The following ZNF142 variants were observed in gnomAD, a reference collection of about 807,000 sequenced individuals.
ZNF142 encodes zinc finger protein 142, also known as zinc finger protein 142 (clone pHZ-49).
ZNF142 carries 96 observed loss-of-function variants against 132.1 expected under a neutral mutation model. That is an observed-to-expected ratio of 0.73 (90% confidence interval 0.62 to 0.86). ZNF142 has a LOEUF of 0.86. Among genes scored for constraint, ZNF142 ranks in the 40% least tolerant of loss-of-function variants. The probability of loss-of-function intolerance (pLI) is 0.00; values close to 1 mark genes in which losing one functional copy is unlikely to be tolerated. For missense variants in ZNF142, 2,163 were observed against 2,336.2 expected, an observed-to-expected ratio of 0.93 and a Z score of 1.53; for synonymous variants, 842 against 890.1, an observed-to-expected ratio of 0.95 and a Z score of 0.96.
chr2:218,646,354 A>G lies in ZNF142; in HGVS notation c.1874-6T>C, dbSNP rs1231251230. On this transcript the variant is annotated splice_polypyrimidine_tract_variant and splice_region_variant and intron_variant, in intron 7 of 10. Coordinates refer to ENST00000411696, the MANE Select transcript of ZNF142 (RefSeq NM_001379659.1). Reference sequence around the variant, plus strand: ...ACACTTGTGGGGCTTCTCACCTTATATGGGGGATGCGGATGAAGGGAGAGA... The same window carrying G: ...ACACTTGTGGGGCTTCTCACCTTATGTGGGGGATGCGGATGAAGGGAGAGA... 3 of 1,613,612 alleles carry G rather than the reference A, an allele frequency of 1.9e-6. No homozygotes were observed. The highest frequency in any genetic ancestry group is 2.5e-6 in the Non-Finnish European group (3 of 1,179,924).
chr2:218,636,388 A>G lies in ZNF142; in HGVS notation c.*1951T>C. 6.2e-7 allele frequency: 1 copy of G among 1,613,994 alleles called. No homozygotes were observed. ...ACACCCTGCCTTGGACCTGCATGCA[A>G]CAAGGTGAGCCAGCCCCTTTGGCCC... On this transcript the variant is annotated 3_prime_UTR_variant, in exon 11 of 11. Coordinates refer to ENST00000411696, the MANE Select transcript of ZNF142 (RefSeq NM_001379659.1).
In ZNF142 at chr2:218,642,847, T is replaced by C. The variant is rs773919284; in HGVS notation, c.4269A>G (p.Thr1423=). The change falls in exon 9 of 11, where the codon ACA becomes ACG. Residue 1423 remains threonine, a synonymous_variant. Coordinates refer to ENST00000411696, the MANE Select transcript of ZNF142 (RefSeq NM_001379659.1). The surrounding 1 kb of genome is among the most constrained non-coding windows in gnomAD (Gnocchi z 4.6). Reference sequence around the variant, plus strand: ...AGCTGCAGGGGATGCGGCCAATGCCTGTGTGTCGGGACTGGTGAGCCTCTA... The same window carrying C: ...AGCTGCAGGGGATGCGGCCAATGCCCGTGTGTCGGGACTGGTGAGCCTCTA... The part of the protein sequence containing the change: ...YRLEAHQSRH[T]GIGRIPCSSC... 4.3e-6 allele frequency: 7 copies of C among 1,614,122 alleles called. No homozygotes were observed. The highest frequency in any genetic ancestry group is 5.9e-6 in the Non-Finnish European group (7 of 1,180,020).
Position 218,643,835 on chromosome 2 carries a change from C to A in ZNF142, c.3281G>T (p.Arg1094Ile), listed in dbSNP as rs367643000. The A allele has an allele frequency of 1.2e-6, 2 of 1,613,500 alleles. No individual in the cohort carries two copies. The highest frequency in any genetic ancestry group is 2.7e-5 in the African/African-American group (2 of 74,916). Reference sequence around the variant, plus strand: ...TGGTCTGGGCAAGCCCTTGTTCTTTCTGAGTAGAACAGGGCACTTCTTCAG... The same window carrying A: ...TGGTCTGGGCAAGCCCTTGTTCTTTATGAGTAGAACAGGGCACTTCTTCAG... ...HLLKKCPVLL[R>I]KNKGLPRPDS... is the part of the protein sequence containing the mutation. Residue 1094 changes from arginine (R) to isoleucine (I), a missense_variant, in exon 9 of 11, where the codon AGA (arginine) becomes ATA (isoleucine). This residue lies in a region of ZNF142 where 809 missense variants were observed against 801.7 expected (regional missense o/e 1.01). Coordinates refer to ENST00000411696, the MANE Select transcript of ZNF142 (RefSeq NM_001379659.1).
At chr2:218,655,208 G>A (rs569628640) in intron 4 of ZNF142, among the ~76,000 whole-genome samples, 6 of 152,278 alleles carry the variant, frequency 3.9e-5, no homozygotes, top group South Asian at 2.1e-4. Context: ...CTTACATATT[G>A]CGAATGTTTT....
chr2:218,635,055 G>T lies in ZNF142; in HGVS notation c.*3284C>A, dbSNP rs577644508. On this transcript the variant is annotated 3_prime_UTR_variant, in exon 11 of 11. Coordinates refer to ENST00000411696, the MANE Select transcript of ZNF142 (RefSeq NM_001379659.1). ...GGAGTTTGAGACCAGTCTGAAACTGGTCTCAACAAAAAATTTAAAAATTTT... is the reference window on the plus strand; with the variant it reads ...GGAGTTTGAGACCAGTCTGAAACTGTTCTCAACAAAAAATTTAAAAATTTT... Among the ~76,000 whole-genome samples the T allele has an allele frequency of 5.8e-4, 88 of 152,114 alleles. No homozygotes were observed. Among genetic ancestry groups the T allele is most frequent in the Non-Finnish European group, 1.0e-3 (69 of 67,972 alleles).
chr2:218,654,783 T>TAA (rs35995886), intron 4 of ZNF142, among the ~76,000 whole-genome samples: 4 of 148,204 alleles, frequency 2.7e-5, no homozygotes, highest in African/African-American at 1.0e-4. Context: ...TTTTCCCATT[T>TAA]AAAAAAAAAA....
Position 218,644,081 on chromosome 2 carries a change from T to C in ZNF142, c.3035A>G (p.Lys1012Arg). The change falls in exon 9 of 11, where the codon AAA becomes AGA. Residue 1012 changes from lysine to arginine, a missense_variant. Coordinates refer to ENST00000411696, the MANE Select transcript of ZNF142 (RefSeq NM_001379659.1). The surrounding 1 kb of genome is among the most constrained non-coding windows in gnomAD (Gnocchi z 4.6). ...TAGCACCAATGCCTCTGCTTGTTCT[T>C]TGTCCTGTCTCCTTAGGGCCTTGAG... ...SLLKALRRQD[K>R]EQAEALVLEG... is the part of the protein sequence containing the mutation. The C allele has an allele frequency of 6.2e-7, 1 of 1,614,078 alleles. No homozygotes were observed. Among genetic ancestry groups the C allele is most frequent in the South Asian group, 1.1e-5 (1 of 91,076 alleles).
In ZNF142 at chr2:218,642,318, G is replaced by C. The variant is rs1697274435; in HGVS notation, c.4798C>G (p.Leu1600Val). Residue 1600 changes from leucine to valine, a missense_variant, in exon 9 of 11, where the codon CTG becomes GTG. By Grantham distance (32) the Leu-to-Val change is conservative. Coordinates refer to ENST00000411696, the MANE Select transcript of ZNF142 (RefSeq NM_001379659.1). This position sits in a 1 kb window ranked among gnomAD's most constrained non-coding sequence, Gnocchi z 4.6. ...GCTGAAGTCTCCTCATGCTGTTCCA[G>C]GTAGTGCTTTACCAGGCCCACCCGC... ...RERVGLVKHYLEQHEETSAAV... is the reference protein window; with the variant it reads ...RERVGLVKHYVEQHEETSAAV... 1.1e-5 allele frequency: 18 copies of C among 1,614,022 alleles called. No homozygotes were observed. The highest frequency in any genetic ancestry group is 1.5e-5 in the Non-Finnish European group (18 of 1,180,038).
chr2:218,657,118 C>T (rs1447880000), intron 3 of ZNF142, among the ~76,000 whole-genome samples: 1 of 151,300 alleles, frequency 6.6e-6, no homozygotes, highest in East Asian at 2.0e-4. Flanking sequence ...TTGCCTGGTC[C>T]CTTTCCCTCT....
At chr2:218,654,372 CT>C (rs56358619) in intron 4 of ZNF142, among the ~76,000 whole-genome samples, 39 of 147,378 alleles carry the variant, frequency 2.6e-4, no homozygotes, top group African/African-American at 3.2e-4. Context: ...AATGCATCTC[CT>C]TTTTTTTTTT....
chr2:218,639,668 A>T (rs1028624304), intron 10 of ZNF142, among the ~76,000 whole-genome samples: 4 of 140,128 alleles, frequency 2.9e-5, no homozygotes, highest in African/African-American at 7.7e-5. Flanking sequence ...GGAGTTTGAG[A>T]TTGTAGTGAG....
chr2:218,650,660 A>G (rs1217599831), intron 5 of ZNF142, 134 bp from the exon 6 acceptor site: 1 of 868,644 alleles, frequency 1.2e-6, no homozygotes, highest in African/African-American at 1.7e-5. Flanking sequence ...TTTTATGTAT[A>G]AATGTATTTC....
intron 6 of ZNF142, among the ~76,000 whole-genome samples, chr2:218,649,978 G>A (rs1186619509): frequency 6.6e-6 from 1 of 152,154 alleles, no homozygotes; most frequent in Non-Finnish European, 1.5e-5. Context: ...ATATTCTACT[G>A]AGGTGAAAAA....
Position 218,634,525 on chromosome 2 carries a change from C to T in ZNF142, c.*3814G>A, listed in dbSNP as rs371190067. On this transcript the variant is annotated 3_prime_UTR_variant, in exon 11 of 11. Coordinates refer to ENST00000411696, the MANE Select transcript of ZNF142 (RefSeq NM_001379659.1). The surrounding 1 kb of genome is among the most constrained non-coding windows in gnomAD (Gnocchi z 4.0). ...GTGATGGGCATTTCCGCCAGAATGG[C>T]GGCTGTGGCTATGTGCTGAAGCCAG... is the stretch of plus-strand genomic sequence containing the variant. 1.3e-3 allele frequency: 2,019 copies of T among 1,614,040 alleles called. No homozygotes were observed. Among genetic ancestry groups the T allele is most frequent in the Non-Finnish European group, 1.4e-3 (1,707 of 1,179,892 alleles).
intron 5 of ZNF142, among the ~76,000 whole-genome samples, chr2:218,651,157 T>A (rs1937951873): frequency 6.6e-6 from 1 of 152,142 alleles, no homozygotes; most frequent in Non-Finnish European, 1.5e-5. Context: ...AATTTTTGTA[T>A]TTTTTGTAGA....
chr2:218,634,820 A>G lies in ZNF142; in HGVS notation c.*3519T>C, dbSNP rs1696619081. On this transcript the variant is annotated 3_prime_UTR_variant, in exon 11 of 11. Coordinates refer to ENST00000411696, the MANE Select transcript of ZNF142 (RefSeq NM_001379659.1). This position sits in a 1 kb window ranked among gnomAD's most constrained non-coding sequence, Gnocchi z 4.0. ...TTGGGTAATGTTGGGCAAGTTCCTT[A>G]ACCTCTCCATACCTCAGTCTGCTCA... Among the ~76,000 whole-genome samples, 1 of 152,222 alleles carries G rather than the reference A, an allele frequency of 6.6e-6. No homozygotes were observed. Among genetic ancestry groups the G allele is most frequent in the Non-Finnish European group, 1.5e-5 (1 of 68,030 alleles).
intron 9 of ZNF142, 24 bp from the exon 10 acceptor site, chr2:218,640,793 C>G: frequency 1.9e-6 from 3 of 1,591,182 alleles, no homozygotes; most frequent in Non-Finnish European, 2.6e-6. Flanking sequence ...GAGCAAAAAG[C>G]AGAAAATATA....
At chr2:218,653,257 C>T (rs1391819298) in intron 4 of ZNF142, among the ~76,000 whole-genome samples, 1 of 85,372 alleles carries the variant, frequency 1.2e-5, no homozygotes, top group Non-Finnish European at 2.3e-5. Flanking sequence ...CCAGCCTGGC[C>T]AAGAGAGAGA....
chr2:218,641,935 A>G, intron 9 of ZNF142, 93 bp downstream of exon 9: 1 of 1,453,808 alleles, frequency 6.9e-7, no homozygotes, highest in Non-Finnish European at 9.2e-7. Flanking sequence ...TCACAGAGCT[A>G]ATATCTGGAG....
Sources: allele counts gnomAD v4.1 joint callset (sites outside exome capture counted in the v4.1 genomes callset), GRCh38; gene constraint gnomAD v4.1.1; regional missense constraint gnomAD v4.1.1; non-coding constraint Gnocchi (gnomAD v3.1); transcripts MANE v1.5; gene names NCBI Gene and HGNC (gene_info 2026-07-23, HGNC 2026-07-21).